The following DOCK8 variants were observed in gnomAD, a reference collection of about 807,000 sequenced individuals.
DOCK8 encodes the protein dedicator of cytokinesis protein 8.
In DOCK8, 141 loss-of-function variants were observed where a neutral mutation model predicts 245.6. That is an observed-to-expected ratio of 0.57 (90% CI 0.50 to 0.66). The LOEUF is 0.66. DOCK8 is among the 30% of genes least tolerant of loss of function. DOCK8 has a pLI of 0.00. For missense variants in DOCK8, 2,965 were observed against 2,603.4 expected, an observed-to-expected ratio of 1.14 and a Z score of -3.02; for synonymous variants, 1,168 against 970.2, an observed-to-expected ratio of 1.20 and a Z score of -3.79.
At chr9:420,097 CA>C (rs1436258933) in intron 30 of DOCK8, 2 of 450,276 alleles carry the variant, frequency 4.4e-6, no homozygotes, top group East Asian at 4.5e-5. Context: ...GATCAAGGCC[CA>C]GGGGTGATCA....
At chr9:397,879 A>G (rs1265287222) in intron 25 of DOCK8, among the ~76,000 whole-genome samples, 2 of 152,218 alleles carry the variant, frequency 1.3e-5, no homozygotes, top group Non-Finnish European at 2.9e-5. Flanking sequence ...GTTAAAGGGT[A>G]TACAGTAGTT....
chr9:355,714 A>G (rs1048114417), intron 14 of DOCK8, among the ~76,000 whole-genome samples: 4 of 152,134 alleles, frequency 2.6e-5, no homozygotes, highest in African/African-American at 9.7e-5. Flanking sequence ...AGAAACCCTA[A>G]GCTGTACATA....
intron 24 of DOCK8, among the ~76,000 whole-genome samples, chr9:396,361 A>G (rs2054455333): frequency 6.6e-6 from 1 of 152,210 alleles, no homozygotes; most frequent in African/African-American, 2.4e-5. Flanking sequence ...TTTCAGGAAC[A>G]GAAAAGACTT....
intron 15 of DOCK8, 137 bp downstream of exon 15, chr9:368,272 T>A: frequency 1.2e-6 from 1 of 815,122 alleles, no homozygotes; most frequent in South Asian, 1.3e-5. Context: ...CAAGGGCTTC[T>A]GTGCCCAGGA....
chr9:327,821 C>CA, intron 8 of DOCK8, among the ~76,000 whole-genome samples: 1 of 152,344 alleles, frequency 6.6e-6, no homozygotes, highest in East Asian at 1.9e-4. Context: ...GAACATCTCT[C>CA]AAATGGCTCC....
rs1274252176 is a variant in DOCK8, at chr9:376,264, T to A, written c.2164T>A (p.Phe722Ile). 1 of 1,613,404 alleles carries A rather than the reference T, an allele frequency of 6.2e-7. No individual in the cohort carries two copies. The highest frequency in any genetic ancestry group is 1.3e-5 in the African/African-American group (1 of 74,850). The change falls in exon 19 of 48, where the codon TTT (phenylalanine) becomes ATT (isoleucine). Residue 722 changes from phenylalanine to isoleucine, a missense_variant. Physicochemically the swap from Phe to Ile is conservative, Grantham distance 21. Around this residue, in one of 3 missense-constraint regions of DOCK8, gnomAD observed 2,825 missense variants for 2,453.5 expected, o/e 1.15. Transcript: ENST00000432829. ...IKWAEGHKGVFNIEVQAVSSV... is the reference protein window; with the variant it reads ...IKWAEGHKGVINIEVQAVSSV... The stretch of plus-strand genomic sequence containing the variant: ...GTGGGCTGAAGGACATAAGGGAGTA[T>A]TTAATATTGAAGTGCAAGCTGTTTC...
At chr9:463,420 TA>T in intron 46 of DOCK8, 96 bp from the exon 47 acceptor site, 1 of 1,504,206 alleles carries the variant, frequency 6.6e-7, no homozygotes. Flanking sequence ...AAAACGTTCT[TA>T]AAGTTATTCG....
At chr9:400,063 T>TTCACCA (rs879656806) in intron 26 of DOCK8, among the ~76,000 whole-genome samples, 66 of 49,384 alleles carry the variant, frequency 1.3e-3, no homozygotes, top group African/African-American at 8.4e-3. Context: ...CACCACCTCC[T>TTCACCA]TCACCATCAC....
chr9:461,759 C>CT (rs1184845671), intron 46 of DOCK8, among the ~76,000 whole-genome samples: 1 of 151,768 alleles, frequency 6.6e-6, no homozygotes, highest in African/African-American at 2.4e-5. Context: ...CCAGTCTAGT[C>CT]TTTAACTTGT....
chr9:351,988 T>G (rs1411543402), intron 14 of DOCK8, among the ~76,000 whole-genome samples: 2 of 152,190 alleles, frequency 1.3e-5, no homozygotes, highest in Non-Finnish European at 2.9e-5. Context: ...TACCTCCAAG[T>G]GATTCATATG....
intron 39 of DOCK8, among the ~76,000 whole-genome samples, chr9:435,623 A>G (rs772370059): frequency 2.0e-5 from 3 of 152,218 alleles, no homozygotes; most frequent in Non-Finnish European, 4.4e-5. Flanking sequence ...CCAAAAATCA[A>G]GAAAGAATCA....
intron 20 of DOCK8, 22 bp downstream of exon 20, chr9:377,233 C>G: frequency 6.4e-7 from 1 of 1,552,648 alleles, no homozygotes; most frequent in Non-Finnish European, 8.7e-7. Context: ...CAGGGCTGGG[C>G]TGGGAGGAGG....
intron 3 of DOCK8, among the ~76,000 whole-genome samples, chr9:288,756 T>G (rs564686912): frequency 1.4e-4 from 21 of 152,332 alleles, no homozygotes; most frequent in African/African-American, 4.8e-4. Context: ...AGCTGGGATT[T>G]GGGCAATTAG....
intron 30 of DOCK8, 91 bp downstream of exon 30, chr9:418,298 G>A (rs1466687701): frequency 1.3e-6 from 2 of 1,554,786 alleles, no homozygotes; most frequent in African/African-American, 2.7e-5. Flanking sequence ...TTGAGACAGA[G>A]TCTCACTCTG....
intron 1 of DOCK8, among the ~76,000 whole-genome samples, chr9:226,284 T>C (rs893667763): frequency 1.3e-5 from 2 of 152,092 alleles, no homozygotes; most frequent in Admixed American, 6.6e-5. Context: ...ATCATGAGAA[T>C]AGCATGAGGA....
chr9:239,622 T>C (rs545519966), intron 1 of DOCK8, among the ~76,000 whole-genome samples: 68 of 152,298 alleles, frequency 4.5e-4, no homozygotes, highest in African/African-American at 1.5e-3. Context: ...TAGCTTCTTA[T>C]TACAAAAGCT....
intron 4 of DOCK8, among the ~76,000 whole-genome samples, chr9:301,205 G>T (rs971353026): frequency 6.6e-6 from 1 of 152,136 alleles, no homozygotes; most frequent in Non-Finnish European, 1.5e-5. Context: ...ATCAATAAAT[G>T]AGACTCATCA....
chr9:286,840 G>A (rs1021136646), intron 3 of DOCK8, among the ~76,000 whole-genome samples: 3 of 152,194 alleles, frequency 2.0e-5, no homozygotes, highest in African/African-American at 7.2e-5. Context: ...GAAAAGCTAT[G>A]TGAAGACTAA....
At chr9:250,958 T>C (rs1181051557) in intron 1 of DOCK8, among the ~76,000 whole-genome samples, 2 of 152,112 alleles carry the variant, frequency 1.3e-5, no homozygotes, top group African/African-American at 4.8e-5. Context: ...GGGGAGAGAA[T>C]GAGCTTGAGG....
Sources: gnomAD v4.1 joint callset for allele counts (sites outside exome capture counted in the v4.1 genomes callset) on GRCh38, gnomAD v4.1.1 for gene constraint, gnomAD v4.1.1 regional missense constraint, MANE v1.5 for transcripts, NCBI Gene and HGNC (gene_info 2026-07-23, HGNC 2026-07-21) for gene names.